GGT7: variants seen among roughly 807,000 people sequenced by gnomAD.
GGT7 encodes glutathione hydrolase 7.
A neutral mutation model predicts 69.2 loss-of-function variants in GGT7; 30 were observed. That is an observed-to-expected ratio of 0.43 (90% CI 0.32 to 0.59). GGT7 has a LOEUF of 0.59. Ranked by LOEUF, GGT7 falls within the 20% of genes least tolerant of loss-of-function variation. The pLI is 0.05. For missense variants in GGT7, 733 were observed against 901.1 expected, an observed-to-expected ratio of 0.81 and a Z score of 2.39; for synonymous variants, 388 against 391.8, an observed-to-expected ratio of 0.99 and a Z score of 0.12.
chr20:34,847,591 C>A (rs1601211605), intron 14 of GGT7, among the ~76,000 whole-genome samples: 1 of 152,176 alleles, frequency 6.6e-6, no homozygotes, highest in African/African-American at 2.4e-5. Flanking sequence ...TGGCAAGGAA[C>A]AAGTTTCAGT....
At chr20:34,855,789 CTG>C (rs3138662) in intron 8 of GGT7, among the ~76,000 whole-genome samples, 51 of 144,010 alleles carry the variant, frequency 3.5e-4, no homozygotes, top group East Asian at 2.0e-3. Flanking sequence ...TTTTTCTTTT[CTG>C]TGTGTGTGTG....
chr20:34,865,956 T>G (rs1315625347), intron 1 of GGT7, among the ~76,000 whole-genome samples: 1 of 152,246 alleles, frequency 6.6e-6, no homozygotes, highest in Non-Finnish European at 1.5e-5. Flanking sequence ...TACCTGCTAC[T>G]ATGCACTAGG....
rs376228678 is a variant in GGT7, at chr20:34,863,306, C to T, written c.405+7G>A. The T allele has an allele frequency of 8.7e-6, 14 of 1,600,258 alleles. No individual in the cohort carries two copies. The highest frequency in any genetic ancestry group is 1.3e-5 in the African/African-American group (1 of 74,644). ...GTTTCCTCCCCCTCCCCATTTGTCC[C>T]CCTCACCTGGGGGTCCCCGAAGTAG... is the stretch of plus-strand genomic sequence containing the variant. On this transcript the variant is annotated splice_region_variant and intron_variant, in intron 2 of 14. Transcript: ENST00000336431. The surrounding 1 kb of genome is among the most constrained non-coding windows in gnomAD (Gnocchi z 4.4).
intron 14 of GGT7, among the ~76,000 whole-genome samples, chr20:34,847,849 C>T (rs1171379088): frequency 2.6e-5 from 4 of 152,130 alleles, no homozygotes; most frequent in Non-Finnish European, 2.9e-5. Flanking sequence ...TCCAGCACTT[C>T]GGGAGGCCGA....
chr20:34,856,791 C>T lies in GGT7; in HGVS notation c.1102+15G>A, dbSNP rs745601785. The stretch of plus-strand genomic sequence containing the variant: ...TCTCCTGAGGGGGGACCCTGGGAGC[C>T]GGGGGAGAGGTCACCTCTGTACACG... On this transcript the variant is annotated intron_variant, in intron 8 of 14. Transcript: ENST00000336431. 1.2e-5 allele frequency: 18 copies of T among 1,527,098 alleles called. No homozygotes were observed. In the Middle Eastern group the frequency reaches 1.7e-3, roughly 143 times the overall value. The allele number at this position is 1,527,098 out of a possible 1,614,324, so 94.6% of individuals were successfully genotyped here.
chr20:34,870,943 C>G (rs1486209196), intron 1 of GGT7, among the ~76,000 whole-genome samples: 2 of 151,824 alleles, frequency 1.3e-5, no homozygotes, highest in East Asian at 3.9e-4. Flanking sequence ...AGGCACCCAC[C>G]ACCATGCCCA....
In GGT7 at chr20:34,862,901, AG is replaced by A; in HGVS notation, c.469del (p.Leu157SerfsTer33). On this transcript the variant is annotated frameshift_variant, in exon 3 of 15. Coordinates refer to ENST00000336431, the MANE Select transcript of GGT7 (RefSeq NM_178026.3). LOFTEE classifies it high-confidence loss of function. ...ARCTSLGIEV[L>X]SKQGSSVDAA... ...GTCCACAGAAGATCCCTGTTTACTG[AG>A]CACCTCGATGCCCAGTGAAGTGCAG... 6.2e-7 allele frequency: 1 copy of A among 1,613,940 alleles called. No individual in the cohort carries two copies. The highest frequency in any genetic ancestry group is 8.5e-7 in the Non-Finnish European group (1 of 1,179,860).
intron 4 of GGT7, among the ~76,000 whole-genome samples, chr20:34,861,160 G>A (rs2079587835): frequency 6.6e-6 from 1 of 152,166 alleles, no homozygotes; most frequent in Admixed American, 6.5e-5. Flanking sequence ...AGTGAGATGT[G>A]TGAGTTTCAT....
At chr20:34,857,848 A>G (rs1182533527) in intron 7 of GGT7, among the ~76,000 whole-genome samples, 1 of 152,084 alleles carries the variant, frequency 6.6e-6, no homozygotes, top group African/African-American at 2.4e-5. Context: ...CAAACTCCTG[A>G]GCTCAAGTGA....
At chr20:34,867,858 C>T (rs1020615614) in intron 1 of GGT7, among the ~76,000 whole-genome samples, 2 of 152,170 alleles carry the variant, frequency 1.3e-5, no homozygotes, top group African/African-American at 4.8e-5. Context: ...ATTTTTGTTG[C>T]TATTTCTTGG....
chr20:34,859,654 G>C lies in GGT7; in HGVS notation c.818-15C>G. The stretch of plus-strand genomic sequence containing the variant: ...CAGGGCACGGGCTAGGGGCAGGGAC[G>C]GGAGGCTGGGCAGGGCGGGACGCCA... On this transcript the variant is annotated splice_polypyrimidine_tract_variant and intron_variant, in intron 6 of 14. Transcript: ENST00000336431. 1 of 1,571,840 alleles carries C rather than the reference G, an allele frequency of 6.4e-7. No homozygotes were observed.
In GGT7 at chr20:34,850,136, G is replaced by T; in HGVS notation, c.1726-76C>A. ...CCAGGATTCCTCAGCTCTCACCCTT[G>T]GTCCAGGCTCCTTAGTCTTGAGAAT... On this transcript the variant is annotated intron_variant, in intron 13 of 14. Transcript: ENST00000336431. The T allele has an allele frequency of 3.0e-6, 3 of 1,000,378 alleles. No individual in the cohort carries two copies. In the South Asian group the frequency reaches 3.8e-5, roughly 13 times the overall value. The allele number at this position is 1,000,378 out of a possible 1,614,324, so 62.0% of individuals were successfully genotyped here. A position where few individuals can be genotyped will look rare whatever the true frequency, so the allele number is the denominator to read the frequency against.
chr20:34,852,589 C>G (rs769963878), intron 10 of GGT7, 51 bp from the exon 11 acceptor site: 1 of 1,498,664 alleles, frequency 6.7e-7, no homozygotes, highest in East Asian at 2.3e-5. Context: ...CTCAATACAC[C>G]CCACCTACCT....
In GGT7 at chr20:34,854,832, C is replaced by T. The variant is rs911507141; in HGVS notation, c.1194G>A (p.Leu398=). 6.2e-7 allele frequency: 1 copy of T among 1,614,168 alleles called. No individual in the cohort carries two copies. The highest frequency in any genetic ancestry group is 8.5e-7 in the Non-Finnish European group (1 of 1,180,036). ...NILEGFNLTS[L]VSREQALHWV... is the part of the protein sequence containing the mutation. ...AGTGAAGAGCCTGTTCTCGGGATAC[C>T]AGGCTGGTGAGATTGAAGCCCTCCA... The change falls in exon 9 of 15, where the codon CTG becomes CTA. Residue 398 remains leucine (L), a synonymous_variant. Transcript: ENST00000336431.
chr20:34,866,451 T>TA (rs892331203), intron 1 of GGT7, among the ~76,000 whole-genome samples: 1 of 150,558 alleles, frequency 6.6e-6, no homozygotes, highest in South Asian at 2.1e-4. Context: ...ACCCTGTCTC[T>TA]AAAAAAAATT....
intron 4 of GGT7, 150 bp downstream of exon 4, chr20:34,861,295 G>T: frequency 2.3e-6 from 1 of 432,592 alleles, no homozygotes. Context: ...TTATCTTGGG[G>T]GCTGCCTGAC....
intron 8 of GGT7, among the ~76,000 whole-genome samples, chr20:34,855,789 C>CTGTGTGTG (rs3138662): frequency 4.5e-4 from 65 of 144,158 alleles, no homozygotes; most frequent in African/African-American, 1.6e-3. Context: ...TTTTTCTTTT[C>CTGTGTGTG]TGTGTGTGTG....
intron 14 of GGT7, among the ~76,000 whole-genome samples, chr20:34,849,342 T>C (rs2079351659): frequency 6.7e-6 from 1 of 149,630 alleles, no homozygotes; most frequent in African/African-American, 2.5e-5. Context: ...AAAAATTTTT[T>C]TATAGAGACG....
Position 34,859,473 on chromosome 20 carries a change from A to C in GGT7, c.984T>G (p.Gly328=), listed in dbSNP as rs753604148. 2 of 1,599,224 alleles carry C rather than the reference A, an allele frequency of 1.3e-6. No homozygotes were observed. Among genetic ancestry groups the C allele is most frequent in the African/African-American group, 2.7e-5 (2 of 74,714 alleles). Residue 328 remains glycine (G), a synonymous_variant, in exon 7 of 15, where the codon GGT becomes GGG. Coordinates refer to ENST00000336431, the MANE Select transcript of GGT7 (RefSeq NM_178026.3). Reference sequence around the variant, plus strand: ...CCACCATCTCCAGTGTGAGGTTGCCACCTGCGTAGAAGGCAGCCGGGCCGG... The same window carrying C: ...CCACCATCTCCAGTGTGAGGTTGCCCCCTGCGTAGAAGGCAGCCGGGCCGG... ...GTSGPAAFYA[G]GNLTLEMVAE...
Sources: allele counts gnomAD v4.1 joint callset (sites outside exome capture counted in the v4.1 genomes callset), GRCh38; gene constraint gnomAD v4.1.1; non-coding constraint Gnocchi (gnomAD v3.1); transcripts MANE v1.5; gene names NCBI Gene and HGNC (gene_info 2026-07-23, HGNC 2026-07-21).